NRXN3: variants seen among roughly 807,000 people sequenced by gnomAD.
NRXN3 encodes neurexin 3.
NRXN3 carries 32 observed loss-of-function variants against 137.6 expected under a neutral mutation model. The ratio of observed to expected loss-of-function variants is 0.23; its 90% CI spans 0.18 to 0.31. The LOEUF (loss-of-function observed/expected upper bound fraction) is 0.31, where lower values mean the gene tolerates loss of function less well. Ranked by LOEUF, NRXN3 falls within the 10% of genes least tolerant of loss-of-function variation. The pLI, the probability that NRXN3 is intolerant of heterozygous loss-of-function variation, is 1.00. For synonymous variants in NRXN3, 798 were observed against 784.5 expected (o/e 1.02, Z -0.29); for missense variants, 1,574 against 2,062.5 (o/e 0.76, Z 4.59).
Position 79,580,699 on chromosome 14 carries a change from C to T in NRXN3, c.3445-83079C>T, listed in dbSNP as rs147978762. 5.3e-5 allele frequency among the ~76,000 whole-genome samples: 8 copies of T among 152,186 alleles called. No homozygotes were observed. The East Asian group carries it at 1.4e-3, about 26-fold the overall frequency. On this transcript the variant is annotated intron_variant, in intron 16 of 20. Coordinates refer to ENST00000335750, the MANE Select transcript of NRXN3 (RefSeq NM_001330195.2). ...ATTGCTAAGATTCTCCCTTGAAGTT[C>T]AGTTAACTCAGAATGTGTTCTGCTT...
chr14:79,216,689 C>T (rs540610700), intron 15 of NRXN3, among the ~76,000 whole-genome samples: 11 of 152,218 alleles, frequency 7.2e-5, no homozygotes, highest in East Asian at 3.9e-4. Context: ...TTCTAAAGAA[C>T]GCTCTAAGAT....
chr14:79,031,985 A>C (rs1034283375), intron 15 of NRXN3, among the ~76,000 whole-genome samples: 6 of 152,160 alleles, frequency 3.9e-5, no homozygotes, highest in East Asian at 1.9e-4. Flanking sequence ...ACCCAACCGG[A>C]CTAAGACAAA....
intron 16 of NRXN3, among the ~76,000 whole-genome samples, chr14:79,591,580 T>C (rs1222662490): frequency 2.0e-5 from 3 of 152,138 alleles, no homozygotes; most frequent in Admixed American, 6.5e-5. Flanking sequence ...TAGTCCAAAT[T>C]TGAGCATTGA....
At chr14:78,697,001 G>A (rs1366541399) in intron 6 of NRXN3, among the ~76,000 whole-genome samples, 5 of 152,040 alleles carry the variant, frequency 3.3e-5, no homozygotes, top group Admixed American at 2.0e-4. Context: ...TCCCACACCC[G>A]TAGCAGACAT....
chr14:78,650,160 C>CT (rs1053072119), intron 5 of NRXN3, among the ~76,000 whole-genome samples: 4 of 151,812 alleles, frequency 2.6e-5, no homozygotes, highest in South Asian at 2.1e-4. Context: ...GTTTTGAATG[C>CT]TTTTTTTTCA....
At chr14:78,442,941 CT>C (rs1471228569) in intron 4 of NRXN3, among the ~76,000 whole-genome samples, 2 of 152,018 alleles carry the variant, frequency 1.3e-5, no homozygotes, top group African/African-American at 4.8e-5. Context: ...TATGGTAAAC[CT>C]GAGAGGTGGT....
At chr14:78,704,486 C>T (rs2098325220) in intron 6 of NRXN3, among the ~76,000 whole-genome samples, 1 of 152,136 alleles carries the variant, frequency 6.6e-6, no homozygotes. Context: ...TGAGGTGACC[C>T]CTAAGCGGGG....
chr14:79,140,539 G>A (rs1306381340), intron 15 of NRXN3, among the ~76,000 whole-genome samples: 6 of 150,730 alleles, frequency 4.0e-5, no homozygotes, highest in East Asian at 2.0e-4. Context: ...TCATAAGAGC[G>A]CCATGTTGCA....
At chr14:79,234,293 A>AATATATATAT (rs71131687) in intron 15 of NRXN3, among the ~76,000 whole-genome samples, 108 of 56,176 alleles carry the variant, frequency 1.9e-3, no homozygotes, top group Non-Finnish European at 2.3e-3. Flanking sequence ...TTCAATGGTA[A>AATATATATAT]ATATATATAT....
intron 15 of NRXN3, among the ~76,000 whole-genome samples, chr14:79,162,780 C>T (rs2061920): frequency 0.24 from 36,763 of 151,754 alleles, 5,070 homozygotes; most frequent in Non-Finnish European, 0.31. Context: ...ACATGAATTA[C>T]CAAATCTAAT....
intron 15 of NRXN3, among the ~76,000 whole-genome samples, chr14:79,375,043 G>C (rs539032537): frequency 1.9e-4 from 29 of 152,214 alleles, no homozygotes; most frequent in Non-Finnish European, 3.2e-4. Context: ...GAAAAACAGT[G>C]TTATCAGACA....
chr14:78,178,444 G>A (rs1374488809), intron 1 of NRXN3, among the ~76,000 whole-genome samples: 1 of 152,204 alleles, frequency 6.6e-6, no homozygotes, highest in Non-Finnish European at 1.5e-5. Flanking sequence ...AGGTGTCCCC[G>A]TTACCTTCTT....
chr14:78,876,122 T>C (rs1455466307), intron 10 of NRXN3, among the ~76,000 whole-genome samples: 1 of 152,214 alleles, frequency 6.6e-6, no homozygotes, highest in Admixed American at 6.5e-5. Flanking sequence ...ACCTGAATCA[T>C]ATTAAATCAG....
intron 4 of NRXN3, among the ~76,000 whole-genome samples, chr14:78,591,226 C>T (rs779107072): frequency 2.1e-4 from 32 of 152,120 alleles, no homozygotes; most frequent in Non-Finnish European, 4.1e-4. Flanking sequence ...GCTGAGAAGT[C>T]GCCCCTATGT....
chr14:78,843,521 C>A (rs558819859), intron 10 of NRXN3, among the ~76,000 whole-genome samples: 1 of 152,172 alleles, frequency 6.6e-6, no homozygotes, highest in East Asian at 1.9e-4. Context: ...ATCTTAAAAT[C>A]TTTTAGGCGA....
chr14:79,229,638 G>C (rs531656327), intron 15 of NRXN3, among the ~76,000 whole-genome samples: 4 of 152,252 alleles, frequency 2.6e-5, no homozygotes, highest in African/African-American at 9.6e-5. Flanking sequence ...TGGCGAAAAC[G>C]AACTCCTGGG....
At chr14:79,568,497 GA>G (rs1477285563) in intron 16 of NRXN3, among the ~76,000 whole-genome samples, 1 of 152,064 alleles carries the variant, frequency 6.6e-6, no homozygotes, top group Non-Finnish European at 1.5e-5. Context: ...CCATTCTACA[GA>G]AAACCAACAA....
intron 4 of NRXN3, among the ~76,000 whole-genome samples, chr14:78,585,059 A>G (rs538516326): frequency 2.6e-5 from 4 of 152,150 alleles, no homozygotes; most frequent in African/African-American, 9.6e-5. Flanking sequence ...GAAAAGAGAC[A>G]AAAAGGAAAT....
chr14:79,571,624 G>C (rs912422076), intron 16 of NRXN3, among the ~76,000 whole-genome samples: 2 of 152,048 alleles, frequency 1.3e-5, no homozygotes, highest in Non-Finnish European at 2.9e-5. Flanking sequence ...CATTTTTCCC[G>C]TGGGCCAGAC....
Sources: gnomAD v4.1 joint callset for allele counts (sites outside exome capture counted in the v4.1 genomes callset) on GRCh38, gnomAD v4.1.1 for gene constraint, MANE v1.5 for transcripts, NCBI Gene and HGNC (gene_info 2026-07-23, HGNC 2026-07-21) for gene names.